The following FYN variants were observed in gnomAD, a reference collection of about 807,000 sequenced individuals.
FYN encodes the protein tyrosine-protein kinase Fyn.
A neutral mutation model predicts 70.2 loss-of-function variants in FYN; 10 were observed. That is an observed-to-expected ratio of 0.14 (90% CI 0.09 to 0.24). FYN has a LOEUF of 0.24. Ranked by LOEUF, FYN falls within the 10% of genes least tolerant of loss-of-function variation. The pLI is 1.00. For synonymous variants in FYN, 236 were observed against 248.6 expected (o/e 0.95, Z 0.48); for missense variants, 319 against 673.1 (o/e 0.47, Z 5.82).
intron 1 of FYN, among the ~76,000 whole-genome samples, chr6:111,849,147 G>A (rs1773614124): frequency 6.6e-6 from 1 of 152,152 alleles, no homozygotes; most frequent in Admixed American, 6.5e-5. Context: ...AAGCAGTGCT[G>A]ATGTTTCGTT....
At chr6:111,691,469 G>A (rs577100124) in intron 12 of FYN, among the ~76,000 whole-genome samples, 6 of 152,060 alleles carry the variant, frequency 3.9e-5, no homozygotes, top group South Asian at 2.1e-4. Flanking sequence ...CATAAAACCC[G>A]ACTTGCAAAT....
chr6:111,792,885 G>T (rs552309672), intron 2 of FYN, among the ~76,000 whole-genome samples: 1 of 152,290 alleles, frequency 6.6e-6, no homozygotes, highest in East Asian at 1.9e-4. Flanking sequence ...GGGGTGTATT[G>T]GGACTGGATG....
At chr6:111,737,555 G>A (rs1323831176) in intron 3 of FYN, among the ~76,000 whole-genome samples, 5 of 152,218 alleles carry the variant, frequency 3.3e-5, no homozygotes, top group East Asian at 1.9e-4. Flanking sequence ...GAGCGTCCAC[G>A]GCTTCTGTGC....
intron 3 of FYN, among the ~76,000 whole-genome samples, chr6:111,769,998 T>C (rs1803385142): frequency 6.6e-6 from 1 of 151,698 alleles, no homozygotes; most frequent in Non-Finnish European, 1.5e-5. Context: ...TGGTTTTAGA[T>C]GGGGGGAGGG....
At chr6:111,866,311 C>T (rs1774103228) in intron 1 of FYN, among the ~76,000 whole-genome samples, 1 of 152,148 alleles carries the variant, frequency 6.6e-6, no homozygotes, top group Non-Finnish European at 1.5e-5. Context: ...AAGGGTCAAA[C>T]CCGGACCCTA....
chr6:111,719,462 C>T lies in FYN; in HGVS notation c.247+343G>A, dbSNP rs554775246. 9.1e-4 allele frequency among the ~76,000 whole-genome samples: 138 copies of T among 152,246 alleles called. 1 individual carries two copies. The highest frequency in any genetic ancestry group is 2.0e-3 in the Admixed American group (30 of 15,288). The stretch of plus-strand genomic sequence containing the variant: ...AAGACTGGGACATGGCTCAGGCATC[C>T]GTGTTTTGAAAAGGCTGCCCTAGTT... On this transcript the variant is annotated intron_variant, in intron 4 of 13. Transcript: ENST00000354650.
chr6:111,681,751 C>T (rs1393624758), intron 12 of FYN, among the ~76,000 whole-genome samples: 2 of 152,130 alleles, frequency 1.3e-5, no homozygotes, highest in South Asian at 2.1e-4. Flanking sequence ...GCTAAACATA[C>T]ACTGAGCGCT....
chr6:111,803,903 C>T lies in FYN; in HGVS notation c.-81-23268G>A, dbSNP rs367998114. On this transcript the variant is annotated intron_variant, in intron 2 of 13. Transcript: ENST00000354650. ...GATATTTTGCTTTCCAAGGAAACAC[C>T]AAAAAAATATCCATAGTGTTAGGAA... is the stretch of plus-strand genomic sequence containing the variant. 1.8e-4 allele frequency among the ~76,000 whole-genome samples: 28 copies of T among 152,000 alleles called. 1 individual carries two copies. Among genetic ancestry groups the T allele is most frequent in the African/African-American group, 6.7e-4 (28 of 41,490 alleles).
At chr6:111,810,831 T>C (rs1471248960) in intron 2 of FYN, among the ~76,000 whole-genome samples, 1 of 152,236 alleles carries the variant, frequency 6.6e-6, no homozygotes, top group Admixed American at 6.5e-5. Flanking sequence ...TTCTGAACTC[T>C]TCCTTACACT....
Position 111,673,622 on chromosome 6 carries a change from G to GTTTTTTTT in FYN, c.1405+869_1405+876dup, listed in dbSNP as rs71021858. Among the ~76,000 whole-genome samples, 161 of 116,582 alleles carry GTTTTTTTT rather than the reference G, an allele frequency of 1.4e-3. 7 individuals carry two copies. The highest frequency in any genetic ancestry group is 2.6e-3 in the Admixed American group (25 of 9,582). The allele number at this position is 116,582 out of a possible 152,430, so 76.5% of individuals were successfully genotyped here. A position where few individuals can be genotyped will look rare whatever the true frequency, so the allele number is the denominator to read the frequency against. On this transcript the variant is annotated intron_variant, in intron 13 of 13. Coordinates refer to ENST00000354650, the MANE Select transcript of FYN (RefSeq NM_002037.5). The stretch of plus-strand genomic sequence containing the variant: ...AATCGTCACTATCGTTTCTATCATT[G>GTTTTTTTT]TTTTTTTTTTTTTTTTTTTCTTTAA...
At chr6:111,868,669 A>C (rs531205888) in intron 1 of FYN, among the ~76,000 whole-genome samples, 3 of 152,318 alleles carry the variant, frequency 2.0e-5, no homozygotes, top group Non-Finnish European at 2.9e-5. Context: ...AGTATTTTGA[A>C]TATTACCTAG....
chr6:111,756,602 A>G (rs1334006571), intron 3 of FYN, among the ~76,000 whole-genome samples: 1 of 152,154 alleles, frequency 6.6e-6, no homozygotes, highest in Non-Finnish European at 1.5e-5. Flanking sequence ...GAACCCAACA[A>G]TGCATAAAAT....
intron 3 of FYN, among the ~76,000 whole-genome samples, chr6:111,748,768 T>C (rs1178152144): frequency 1.3e-5 from 2 of 152,268 alleles, no homozygotes; most frequent in African/African-American, 2.4e-5. Context: ...GATAATATTT[T>C]ACACAGGTCG....
intron 2 of FYN, among the ~76,000 whole-genome samples, chr6:111,791,315 T>C (rs1209802307): frequency 2.0e-5 from 3 of 152,086 alleles, no homozygotes; most frequent in African/African-American, 7.2e-5. Context: ...CATAAATGTA[T>C]AAAAATAAAA....
intron 2 of FYN, among the ~76,000 whole-genome samples, chr6:111,808,914 T>C (rs1040651191): frequency 6.6e-6 from 1 of 152,216 alleles, no homozygotes; most frequent in African/African-American, 2.4e-5. Flanking sequence ...ACCTATTCCA[T>C]GCAAGAAATG....
chr6:111,682,040 G>C (rs752472951), intron 12 of FYN, among the ~76,000 whole-genome samples: 1 of 152,182 alleles, frequency 6.6e-6, no homozygotes, highest in Non-Finnish European at 1.5e-5. Flanking sequence ...AATCCTTTGA[G>C]GTTGGAGACA....
intron 3 of FYN, among the ~76,000 whole-genome samples, chr6:111,727,264 G>A (rs1801233241): frequency 6.6e-6 from 1 of 152,198 alleles, no homozygotes; most frequent in South Asian, 2.1e-4. Flanking sequence ...CGATGACACT[G>A]AAGCAGCCCT....
chr6:111,687,546 C>T (rs1186937160), intron 12 of FYN, among the ~76,000 whole-genome samples: 1 of 146,422 alleles, frequency 6.8e-6, no homozygotes, highest in African/African-American at 2.6e-5. Context: ...AGAGGCAGAG[C>T]CTCCATGTGG....
intron 2 of FYN, among the ~76,000 whole-genome samples, chr6:111,814,878 C>T (rs879600175): frequency 2.6e-5 from 4 of 152,122 alleles, no homozygotes; most frequent in South Asian, 2.1e-4. Flanking sequence ...ATGAGTGCAG[C>T]GAACAGGTAT....
Sources: gnomAD v4.1 joint callset for allele counts (sites outside exome capture counted in the v4.1 genomes callset) on GRCh38, gnomAD v4.1.1 for gene constraint, MANE v1.5 for transcripts, NCBI Gene and HGNC (gene_info 2026-07-23, HGNC 2026-07-21) for gene names.